RNF130: variants seen among roughly 807,000 people sequenced by gnomAD.
The protein encoded by RNF130 is ring finger protein 130, also known as E3 ubiquitin-protein ligase RNF130.
A neutral mutation model predicts 44.6 loss-of-function variants in RNF130; 21 were observed. That is an observed-to-expected ratio of 0.47 (90% CI 0.33 to 0.68). The LOEUF (loss-of-function observed/expected upper bound fraction) is 0.68, where lower values mean the gene tolerates loss of function less well. Among genes scored for constraint, RNF130 ranks in the 30% least tolerant of loss-of-function variants. The probability of loss-of-function intolerance (pLI) is 0.02; values close to 1 mark genes in which losing one functional copy is unlikely to be tolerated. For synonymous variants in RNF130, 214 were observed against 210.4 expected (o/e 1.02, Z -0.15); for missense variants, 479 against 560.6 (o/e 0.85, Z 1.47).
At chr5:179,933,398 T>TTGTTTGTGTGTGTGTGTGTGTGTGTG (rs1554100040) in intron 7 of RNF130, among the ~76,000 whole-genome samples, 3 of 143,502 alleles carry the variant, frequency 2.1e-5, no homozygotes, top group African/African-American at 7.8e-5. Context: ...ATAACCCTAT[T>TTGTTTGTGTGTGTGTGTGTGTGTGTG]TGTGTGTGTG....
intron 7 of RNF130, among the ~76,000 whole-genome samples, chr5:179,926,738 A>ATAG (rs1761712347): frequency 6.6e-6 from 1 of 152,208 alleles, no homozygotes. Context: ...GGCGGTGGGC[A>ATAG]CCCTGACTCA....
At chr5:179,989,578 T>C (rs1051793009) in intron 3 of RNF130, among the ~76,000 whole-genome samples, 5 of 152,248 alleles carry the variant, frequency 3.3e-5, no homozygotes, top group Admixed American at 6.5e-5. Context: ...TTACTGCTTT[T>C]GCTTTCTGTT....
At position 180,055,126 on chromosome 5, in the gene RNF130, T is replaced by C. The variant is rs574291471; in HGVS notation, c.248-14479A>G. Among the ~76,000 whole-genome samples, 57 of 151,770 alleles carry C rather than the reference T, an allele frequency of 3.8e-4. 1 individual carries two copies. The South Asian group carries it at 0.011, about 29-fold the overall frequency. On this transcript the variant is annotated intron_variant, in intron 1 of 8. Coordinates refer to ENST00000521389, the MANE Select transcript of RNF130 (RefSeq NM_018434.6). ...GGGTGGCCAAGGCGGGCAGATCTCA[T>C]GAGGCCAGGAATTTGAGGCCAACAT...
At chr5:179,922,259 T>C (rs1436341892) in intron 7 of RNF130, among the ~76,000 whole-genome samples, 1 of 149,506 alleles carries the variant, frequency 6.7e-6, no homozygotes. Context: ...GTTTGTGAAG[T>C]GTTTTGTTCA....
In RNF130 at chr5:179,980,112, T is replaced by C; in HGVS notation, c.765+17A>G. On this transcript the variant is annotated intron_variant, in intron 4 of 8. Transcript: ENST00000521389. Reference sequence around the variant, plus strand: ...CTGGATTACTTTTACGGTGCTGAAGTTGTTTCATGACTGTACCTTGTCACC... The same window carrying C: ...CTGGATTACTTTTACGGTGCTGAAGCTGTTTCATGACTGTACCTTGTCACC... The C allele has an allele frequency of 6.2e-7, 1 of 1,612,104 alleles. No homozygotes were observed. The highest frequency in any genetic ancestry group is 8.5e-7 in the Non-Finnish European group (1 of 1,178,324).
In RNF130 at chr5:180,021,625, A is replaced by T. The variant is rs182260272; in HGVS notation, c.443-8314T>A. 2.1e-3 allele frequency among the ~76,000 whole-genome samples: 313 copies of T among 152,000 alleles called. 2 individuals carry two copies. Among genetic ancestry groups the T allele is most frequent in the Admixed American group, 9.8e-3 (149 of 15,270 alleles). On this transcript the variant is annotated intron_variant, in intron 2 of 8. Transcript: ENST00000521389. ...AAATCATTCATTTAAAAATAATAATAATTATTATTATTTAAAGAATCTAAA... is the reference window on the plus strand; with the variant it reads ...AAATCATTCATTTAAAAATAATAATTATTATTATTATTTAAAGAATCTAAA...
Position 180,044,323 on chromosome 5 carries a change from A to G in RNF130, c.248-3676T>C, listed in dbSNP as rs76722385. Reference sequence around the variant, plus strand: ...ATAAAAATTTCAAGATAGATAATACAAAATATTTTACTACAGAACTTAATT... The same window carrying G: ...ATAAAAATTTCAAGATAGATAATACGAAATATTTTACTACAGAACTTAATT... On this transcript the variant is annotated intron_variant, in intron 1 of 8. Transcript: ENST00000521389. Among the ~76,000 whole-genome samples, 115 of 152,330 alleles carry G rather than the reference A, an allele frequency of 7.5e-4. No individual in the cohort carries two copies. In the East Asian group the frequency reaches 0.021, roughly 28 times the overall value.
chr5:180,034,065 C>T (rs574083652), intron 2 of RNF130, among the ~76,000 whole-genome samples: 1 of 151,128 alleles, frequency 6.6e-6, no homozygotes, highest in East Asian at 2.0e-4. Flanking sequence ...CTTTATCAGG[C>T]TGAGGATATT....
intron 7 of RNF130, among the ~76,000 whole-genome samples, chr5:179,925,981 C>T (rs916764537): frequency 6.6e-6 from 1 of 152,080 alleles, no homozygotes; most frequent in Non-Finnish European, 1.5e-5. Flanking sequence ...GGGGGAGCAG[C>T]AGAGGCGAGG....
chr5:179,928,071 C>G (rs1421694076), intron 7 of RNF130, among the ~76,000 whole-genome samples: 1 of 152,226 alleles, frequency 6.6e-6, no homozygotes, highest in Admixed American at 6.5e-5. Flanking sequence ...GGCCACCACA[C>G]AATTGATTGG....
At chr5:180,056,270 T>C (rs1424519443) in intron 1 of RNF130, among the ~76,000 whole-genome samples, 2 of 150,212 alleles carry the variant, frequency 1.3e-5, no homozygotes, top group East Asian at 3.9e-4. Flanking sequence ...AAAAAAACCC[T>C]AATAGTGTAT....
chr5:179,990,152 G>A (rs974881133), intron 3 of RNF130, among the ~76,000 whole-genome samples: 5 of 152,072 alleles, frequency 3.3e-5, no homozygotes, highest in African/African-American at 9.7e-5. Context: ...ACCAAGATGC[G>A]GAGACCAGTA....
At chr5:179,930,940 G>A (rs1469240721) in intron 7 of RNF130, among the ~76,000 whole-genome samples, 1 of 151,134 alleles carries the variant, frequency 6.6e-6, no homozygotes, top group Admixed American at 6.6e-5. Context: ...TACTGGGGAG[G>A]CTGAGGCATG....
intron 1 of RNF130, among the ~76,000 whole-genome samples, chr5:180,043,852 CAAAAT>C (rs1413909873): frequency 2.0e-5 from 3 of 152,060 alleles, no homozygotes; most frequent in Non-Finnish European, 4.4e-5. Flanking sequence ...TAGTACAATA[CAAAAT>C]AAGCAAGGAT....
At chr5:180,048,584 A>G (rs1764622416) in intron 1 of RNF130, among the ~76,000 whole-genome samples, 1 of 152,134 alleles carries the variant, frequency 6.6e-6, no homozygotes, top group South Asian at 2.1e-4. Context: ...GCTACAGTGA[A>G]CTGGGATGGC....
intron 2 of RNF130, among the ~76,000 whole-genome samples, chr5:180,024,012 T>C (rs1763932141): frequency 6.6e-6 from 1 of 152,216 alleles, no homozygotes; most frequent in African/African-American, 2.4e-5. Context: ...AATGGTACTT[T>C]ACAAATCCCT....
At chr5:180,058,857 A>G (rs1582229034) in intron 1 of RNF130, among the ~76,000 whole-genome samples, 1 of 152,156 alleles carries the variant, frequency 6.6e-6, no homozygotes, top group Non-Finnish European at 1.5e-5. Context: ...CACTGCACCC[A>G]GCTGGTATAA....
intron 1 of RNF130, among the ~76,000 whole-genome samples, chr5:180,051,661 G>A (rs1018915530): frequency 2.0e-5 from 3 of 152,184 alleles, no homozygotes; most frequent in African/African-American, 7.2e-5. Flanking sequence ...CTTGTCAGCA[G>A]CCGTCCATCA....
rs571569535 is a variant in RNF130, at chr5:179,983,488, T to C, written c.694-3288A>G. On this transcript the variant is annotated intron_variant, in intron 3 of 8. Transcript: ENST00000521389. The stretch of plus-strand genomic sequence containing the variant: ...TCTATGTGCGGACACTATTGTACCA[T>C]GCATCTATTTGTTTACCATTAAGGA... Among the ~76,000 whole-genome samples, 6 of 152,330 alleles carry C rather than the reference T, an allele frequency of 3.9e-5. No homozygotes were observed. The South Asian group carries it at 1.0e-3, about 26-fold the overall frequency.
Sources: gnomAD v4.1 joint callset for allele counts (sites outside exome capture counted in the v4.1 genomes callset) on GRCh38, gnomAD v4.1.1 for gene constraint, MANE v1.5 for transcripts, NCBI Gene and HGNC (gene_info 2026-07-23, HGNC 2026-07-21) for gene names.